Variants in VPS13B observed in about 807,000 individuals in gnomAD.
VPS13B encodes intermembrane lipid transfer protein VPS13B.
A neutral mutation model predicts 426.4 loss-of-function variants in VPS13B; 285 were observed. The ratio of observed to expected loss-of-function variants is 0.67; its 90% CI spans 0.61 to 0.74. The LOEUF (loss-of-function observed/expected upper bound fraction) is 0.74. Ranked by LOEUF, VPS13B falls within the 30% of genes least tolerant of loss-of-function variation. The pLI is 0.00. For synonymous variants in VPS13B, 1,676 were observed against 1,676.4 expected (o/e 1.00, Z 0.01); for missense variants, 4,537 against 4,782.6 (o/e 0.95, Z 1.51).
intron 17 of VPS13B, among the ~76,000 whole-genome samples, chr8:99,226,521 C>G (rs772888627): frequency 1.5e-4 from 23 of 152,080 alleles, no homozygotes; most frequent in African/African-American, 5.6e-4. Context: ...TTAGATACAG[C>G]ATTTTGTATC....
chr8:99,734,838 C>G (rs1292389371), intron 39 of VPS13B, among the ~76,000 whole-genome samples: 1 of 152,044 alleles, frequency 6.6e-6, no homozygotes, highest in Non-Finnish European at 1.5e-5. Flanking sequence ...GATTTCAATG[C>G]CCGGATGTGT....
chr8:99,173,489 T>C (rs971641018), intron 16 of VPS13B, among the ~76,000 whole-genome samples: 6 of 152,214 alleles, frequency 3.9e-5, no homozygotes, highest in Non-Finnish European at 1.5e-5. Flanking sequence ...CTGTTCTTCG[T>C]AATACCACAG....
chr8:99,081,303 C>T (rs1588009124), intron 3 of VPS13B, among the ~76,000 whole-genome samples: 1 of 152,118 alleles, frequency 6.6e-6, no homozygotes, highest in African/African-American at 2.4e-5. Flanking sequence ...TAAAATTTTT[C>T]TCTTTTTTAT....
At chr8:99,265,797 C>G (rs1818262539) in intron 17 of VPS13B, among the ~76,000 whole-genome samples, 1 of 152,156 alleles carries the variant, frequency 6.6e-6, no homozygotes. Context: ...TGCTTATTAG[C>G]TTAATTACCC....
chr8:99,350,063 A>G (rs1204565429), intron 19 of VPS13B, among the ~76,000 whole-genome samples: 1 of 152,210 alleles, frequency 6.6e-6, no homozygotes, highest in Non-Finnish European at 1.5e-5. Context: ...TTGGAAGATC[A>G]CAGAAAACTT....
intron 21 of VPS13B, among the ~76,000 whole-genome samples, chr8:99,430,750 C>A (rs1166630562): frequency 6.7e-6 from 1 of 148,500 alleles, no homozygotes; most frequent in African/African-American, 2.5e-5. Flanking sequence ...GTGTCTCACT[C>A]TGTTGCCCAG....
intron 30 of VPS13B, among the ~76,000 whole-genome samples, chr8:99,543,245 A>C (rs1371323081): frequency 6.6e-6 from 1 of 152,234 alleles, no homozygotes; most frequent in African/African-American, 2.4e-5. Context: ...GTGCTGGGAA[A>C]ACTGGCTAGC....
At chr8:99,605,961 T>C (rs1191705378) in intron 33 of VPS13B, among the ~76,000 whole-genome samples, 1 of 152,174 alleles carries the variant, frequency 6.6e-6, no homozygotes. Flanking sequence ...AGTGGTGCAA[T>C]CTTGGCTCAC....
chr8:99,571,032 T>C (rs1825448263), intron 31 of VPS13B, among the ~76,000 whole-genome samples: 1 of 152,228 alleles, frequency 6.6e-6, no homozygotes, highest in Non-Finnish European at 1.5e-5. Context: ...TATTCTTTCC[T>C]GTTTCTGATG....
intron 3 of VPS13B, among the ~76,000 whole-genome samples, chr8:99,068,211 C>T (rs538154536): frequency 2.6e-5 from 4 of 152,096 alleles, no homozygotes; most frequent in Non-Finnish European, 5.9e-5. Flanking sequence ...AATACCTTGT[C>T]TTCTTTCCAG....
intron 4 of VPS13B, among the ~76,000 whole-genome samples, chr8:99,097,673 A>G (rs527684053): frequency 6.6e-6 from 1 of 152,334 alleles, no homozygotes; most frequent in South Asian, 2.1e-4. Flanking sequence ...ATAGTAGCCA[A>G]AAATAAATCT....
At chr8:99,445,826 C>G (rs1234149743) in intron 23 of VPS13B, among the ~76,000 whole-genome samples, 7 of 152,026 alleles carry the variant, frequency 4.6e-5, no homozygotes, top group Non-Finnish European at 1.5e-5. Context: ...AACTTGATAT[C>G]ATTATTTTGT....
intron 17 of VPS13B, among the ~76,000 whole-genome samples, chr8:99,205,361 G>A (rs902700246): frequency 6.6e-6 from 1 of 152,134 alleles, no homozygotes; most frequent in African/African-American, 2.4e-5. Flanking sequence ...TTGTGGGGTA[G>A]GGGGATAGGG....
At chr8:99,646,331 A>G (rs1030675620) in intron 34 of VPS13B, among the ~76,000 whole-genome samples, 2 of 152,118 alleles carry the variant, frequency 1.3e-5, no homozygotes, top group African/African-American at 4.8e-5. Context: ...CCTAGACAAC[A>G]TAGTGAGACC....
intron 31 of VPS13B, 46 bp from the exon 32 acceptor site, chr8:99,575,612 T>A: frequency 6.2e-7 from 1 of 1,612,048 alleles, no homozygotes; most frequent in Non-Finnish European, 8.5e-7. Context: ...GAAAATTGTC[T>A]TTGAAAATAA....
At position 99,684,174 on chromosome 8, in the gene VPS13B, A is replaced by G. The variant is rs1009031689; in HGVS notation, c.6047-15351A>G. On this transcript the variant is annotated intron_variant, in intron 35 of 61. Transcript: ENST00000357162. ...ACAACCCCTGTTTTAGTTGTGGTAC[A>G]TCATTAGTTCTGTATGCTGATGGAT... 6.0e-4 allele frequency among the ~76,000 whole-genome samples: 91 copies of G among 152,360 alleles called. 3 individuals are homozygous for G. The highest frequency in any genetic ancestry group is 1.3e-4 in the Admixed American group (2 of 15,304).
chr8:99,119,444 T>TG (rs1847832822), intron 7 of VPS13B: 1 of 152,116 alleles, frequency 6.6e-6, no homozygotes, highest in Non-Finnish European at 1.5e-5. Flanking sequence ...TTGGTTGAGG[T>TG]GGGGGTCTCA....
intron 16 of VPS13B, among the ~76,000 whole-genome samples, chr8:99,182,594 T>C (rs555767947): frequency 1.3e-5 from 2 of 152,328 alleles, no homozygotes; most frequent in South Asian, 4.1e-4. Context: ...ACTAATGATA[T>C]GAGTTAAGCA....
intron 3 of VPS13B, among the ~76,000 whole-genome samples, chr8:99,092,532 G>A (rs1211078991): frequency 6.6e-6 from 1 of 151,974 alleles, no homozygotes; most frequent in Non-Finnish European, 1.5e-5. Flanking sequence ...ACTAATGGAA[G>A]TAATTTCAGT....
Sources: allele counts gnomAD v4.1 joint callset (sites outside exome capture counted in the v4.1 genomes callset), GRCh38; gene constraint gnomAD v4.1.1; transcripts MANE v1.5; gene names NCBI Gene and HGNC (gene_info 2026-07-23, HGNC 2026-07-21).